Variants in RTL4 observed in about 807,000 individuals in gnomAD.
RTL4 encodes retrotransposon Gag-like protein 4.
A neutral mutation model predicts 5.3 loss-of-function variants in RTL4; 4 were observed. The ratio of observed to expected loss-of-function variants is 0.75; its 90% confidence interval spans 0.37 to 1.72. The LOEUF is 1.72. Among genes scored for constraint, RTL4 ranks in the 40% most tolerant of loss-of-function variants. RTL4 has a pLI of 0.04. For missense variants in RTL4, 260 were observed against 227.1 expected (o/e 1.14, Z -0.93); for synonymous variants, 98 against 87.3 (o/e 1.12, Z -0.68).
At chrX:112,368,264 T>C in the RTL4 span, among the ~76,000 whole-genome samples, 1 of 110,942 alleles carries the variant, frequency 9.0e-6, no homozygotes. Context: ...AAGGTGGATT[T>C]GAAAAATATT....
the RTL4 span, among the ~76,000 whole-genome samples, chrX:112,174,857 T>G: frequency 1.1e-5 from 1 of 93,424 alleles, no homozygotes; most frequent in Non-Finnish European, 2.1e-5. Context: ...TTTTCATGTG[T>G]CTTTTGGCTG....
At chrX:112,197,627 AC>A in the RTL4 span, among the ~76,000 whole-genome samples, 5 of 111,377 alleles carry the variant, frequency 4.5e-5, no homozygotes, top group Non-Finnish European at 9.4e-5. Context: ...TTTTATCTGC[AC>A]CATTGACATT....
the RTL4 span, among the ~76,000 whole-genome samples, chrX:112,330,417 G>C: frequency 9.3e-6 from 1 of 107,711 alleles, no homozygotes; most frequent in Non-Finnish European, 1.9e-5. Flanking sequence ...TTGCTTCAAA[G>C]AGAATAAAAC....
chrX:112,144,218 C>A, the RTL4 span, among the ~76,000 whole-genome samples: 14 of 111,416 alleles, frequency 1.3e-4, no homozygotes, highest in Non-Finnish European at 2.1e-4. Flanking sequence ...ACTTCAGTGC[C>A]GTTTGGAGTC....
the RTL4 span, among the ~76,000 whole-genome samples, chrX:112,190,139 CCTTTCTTTCTTTCTTTCTTT>C: frequency 5.3e-3 from 409 of 77,149 alleles, no homozygotes; most frequent in Non-Finnish European, 6.8e-3. Context: ...GTAGCCTGTC[CCTTTCTTTCTTTCTTTCTTT>C]CTTTCTTTCT....
At chrX:112,339,437 G>T in the RTL4 span, among the ~76,000 whole-genome samples, 2 of 111,810 alleles carry the variant, frequency 1.8e-5, no homozygotes, top group African/African-American at 6.5e-5. Context: ...TTAGAGAAAT[G>T]GTTTAAAGGA....
chrX:112,349,267 G>A, the RTL4 span, among the ~76,000 whole-genome samples: 1 of 111,596 alleles, frequency 9.0e-6, no homozygotes, highest in East Asian at 2.8e-4. Flanking sequence ...GTCTGACATT[G>A]TTCTTACCTT....
At chrX:112,122,473 A>G in the RTL4 span, among the ~76,000 whole-genome samples, 1 of 110,266 alleles carries the variant, frequency 9.1e-6, no homozygotes, top group Non-Finnish European at 1.9e-5. Flanking sequence ...AGGGATGGTT[A>G]AGGGGTACAA....
the RTL4 span, among the ~76,000 whole-genome samples, chrX:112,143,435 C>T: frequency 9.0e-5 from 10 of 111,338 alleles, no homozygotes; most frequent in African/African-American, 2.9e-4. Flanking sequence ...TATTGTTACT[C>T]TGTATTCCTG....
chrX:112,192,251 T>C, the RTL4 span, among the ~76,000 whole-genome samples: 5 of 110,186 alleles, frequency 4.5e-5, no homozygotes, highest in African/African-American at 1.6e-4. Flanking sequence ...AACTCCTATT[T>C]CTTTCCTTGC....
chrX:112,285,197 G>A, the RTL4 span, among the ~76,000 whole-genome samples: 2 of 111,731 alleles, frequency 1.8e-5, no homozygotes. Context: ...GTTTGTTCTA[G>A]GATGTTTCAA....
the RTL4 span, among the ~76,000 whole-genome samples, chrX:112,307,748 A>T: frequency 8.9e-6 from 1 of 111,946 alleles, no homozygotes; most frequent in South Asian, 3.7e-4. Flanking sequence ...TCAAACTTTG[A>T]GTACCACTAA....
the RTL4 span, among the ~76,000 whole-genome samples, chrX:112,359,552 G>A: frequency 3.7e-5 from 4 of 107,489 alleles, no homozygotes; most frequent in South Asian, 1.5e-3. Context: ...CTTTTATAAA[G>A]ATAGCTACAT....
At chrX:112,343,685 A>G in the RTL4 span, among the ~76,000 whole-genome samples, 1 of 112,129 alleles carries the variant, frequency 8.9e-6, no homozygotes, top group African/African-American at 3.2e-5. Context: ...GCAGCAGCCC[A>G]GGACTAGTGT....
At chrX:112,256,762 C>T in the RTL4 span, among the ~76,000 whole-genome samples, 8 of 111,569 alleles carry the variant, frequency 7.2e-5, no homozygotes, top group South Asian at 2.6e-3. Context: ...ATTCTTTAGT[C>T]CATATGATAG....
At chrX:112,300,717 G>T in the RTL4 span, among the ~76,000 whole-genome samples, 3 of 112,289 alleles carry the variant, frequency 2.7e-5, no homozygotes, top group Non-Finnish European at 5.6e-5. Flanking sequence ...AATACGACAA[G>T]ATTAATTTTT....
At chrX:112,397,901 A>AT in the RTL4 span, among the ~76,000 whole-genome samples, 1 of 111,457 alleles carries the variant, frequency 9.0e-6, no homozygotes, top group Non-Finnish European at 1.9e-5. Context: ...ATTCCTTGGG[A>AT]TTTTTTACCT....
the RTL4 span, among the ~76,000 whole-genome samples, chrX:112,392,552 G>A: frequency 3.6e-5 from 4 of 111,830 alleles, 1 homozygote; most frequent in South Asian, 1.5e-3. Context: ...CAGTGAGGAG[G>A]AATGGGATCA....
the RTL4 span, among the ~76,000 whole-genome samples, chrX:112,104,191 T>C: frequency 8.9e-6 from 1 of 112,383 alleles, no homozygotes; most frequent in Non-Finnish European, 1.9e-5. Context: ...TAACATATTG[T>C]CCTCCAGGTT....
Sources: allele counts gnomAD v4.1 joint callset (sites outside exome capture counted in the v4.1 genomes callset), GRCh38; gene constraint gnomAD v4.1.1; transcripts MANE v1.5; gene names NCBI Gene and HGNC (gene_info 2026-07-23, HGNC 2026-07-21).